The following PCDH15 variants were observed in gnomAD, a reference collection of about 807,000 sequenced individuals.
PCDH15 encodes protocadherin related 15.
In PCDH15, 129 loss-of-function variants were observed where a neutral mutation model predicts 178.5. That is an observed-to-expected ratio of 0.72 (90% CI 0.63 to 0.84). The LOEUF is 0.84. Ranked by LOEUF, PCDH15 falls within the 40% of genes least tolerant of loss-of-function variation. The probability of loss-of-function intolerance (pLI) is 0.00; values close to 1 mark genes in which losing one functional copy is unlikely to be tolerated. For missense variants in PCDH15, 2,230 were observed against 2,099.9 expected, an observed-to-expected ratio of 1.06 and a Z score of -1.21; for synonymous variants, 800 against 732.0, an observed-to-expected ratio of 1.09 and a Z score of -1.50.
intron 3 of PCDH15, among the ~76,000 whole-genome samples, chr10:54,883,100 G>GT (rs1201476267): frequency 3.8e-3 from 31 of 8,224 alleles, no homozygotes; most frequent in South Asian, 0.083. Context: ...CAGAGAAAGT[G>GT]GTTTTTCTCT....
At chr10:54,490,632 T>C (rs1195551568) in intron 3 of PCDH15, among the ~76,000 whole-genome samples, 2 of 152,184 alleles carry the variant, frequency 1.3e-5, no homozygotes, top group South Asian at 2.1e-4. Flanking sequence ...TGTATAACTT[T>C]AAAAACACAC....
intron 2 of PCDH15, among the ~76,000 whole-genome samples, chr10:55,048,172 A>G (rs2131984777): frequency 6.6e-6 from 1 of 152,074 alleles, no homozygotes; most frequent in African/African-American, 2.4e-5. Context: ...AGAGTTACTG[A>G]AAACTATAAG....
chr10:55,049,916 G>T (rs571841883), intron 2 of PCDH15, among the ~76,000 whole-genome samples: 1 of 151,984 alleles, frequency 6.6e-6, no homozygotes, highest in Non-Finnish European at 1.5e-5. Flanking sequence ...CACTGAAACA[G>T]AGTTTTAAAA....
At chr10:54,556,983 A>G (rs114160247) in intron 2 of PCDH15, among the ~76,000 whole-genome samples, 3,160 of 152,162 alleles carry the variant, frequency 0.021, 93 homozygotes, top group African/African-American at 0.07. Context: ...TGCATGATCA[A>G]TTTGGACAAG....
chr10:54,419,889 A>G (rs7923527), intron 3 of PCDH15, among the ~76,000 whole-genome samples: 31,264 of 152,030 alleles, frequency 0.21, 3,995 homozygotes, highest in African/African-American at 0.36. Context: ...GAAAATGCAG[A>G]AAAGCTCTCC....
At chr10:54,504,829 A>G (rs2081031032) in intron 3 of PCDH15, among the ~76,000 whole-genome samples, 1 of 152,006 alleles carries the variant, frequency 6.6e-6, no homozygotes. Context: ...TTCTCTCTGT[A>G]CTCTCTCTGT....
intron 25 of PCDH15, among the ~76,000 whole-genome samples, chr10:53,917,813 A>C (rs1408856656): frequency 6.6e-6 from 1 of 151,980 alleles, no homozygotes; most frequent in Admixed American, 6.6e-5. Context: ...ATGGGGGTGG[A>C]CCCCTCGTGA....
chr10:54,680,706 T>C (rs1352778337), intron 1 of PCDH15, among the ~76,000 whole-genome samples: 1 of 152,100 alleles, frequency 6.6e-6, no homozygotes, highest in African/African-American at 2.4e-5. Context: ...AAATGGGAGT[T>C]CCCCTGCACA....
intron 13 of PCDH15, among the ~76,000 whole-genome samples, chr10:54,167,781 G>A (rs113083526): frequency 0.028 from 2,525 of 91,310 alleles, 33 homozygotes; most frequent in South Asian, 0.062. Flanking sequence ...CCTTATTTCC[G>A]CACCCCAACC....
At chr10:54,182,642 T>C (rs1367524842) in intron 13 of PCDH15, among the ~76,000 whole-genome samples, 2 of 152,124 alleles carry the variant, frequency 1.3e-5, no homozygotes, top group African/African-American at 4.8e-5. Context: ...AGTTACCATT[T>C]ACTATCTAAC....
intron 1 of PCDH15, among the ~76,000 whole-genome samples, chr10:54,708,321 G>A (rs528619829): frequency 6.6e-6 from 1 of 152,232 alleles, no homozygotes; most frequent in South Asian, 2.1e-4. Flanking sequence ...AAAGCAAAAG[G>A]TCATGGCTCA....
rs775054636 is a variant in PCDH15, at chr10:53,808,926, TTC to T, written c.4671+1628_4671+1629del. 4.5e-6 allele frequency: 7 copies of T among 1,567,824 alleles called. No homozygotes were observed. The South Asian group carries it at 8.2e-5, about 18-fold the overall frequency. On this transcript the variant is annotated intron_variant, in intron 37 of 37. Transcript: ENST00000644397. ...TATCTTGAGCTTCAGGGTCTGTACTTTCTTCCACAGGGGCTGGTCCACTTTCT... is the reference window on the plus strand; with the variant it reads ...TATCTTGAGCTTCAGGGTCTGTACTTTTCCACAGGGGCTGGTCCACTTTCT...
chr10:54,894,270 T>C (rs146547521), intron 3 of PCDH15, among the ~76,000 whole-genome samples: 230 of 152,262 alleles, frequency 1.5e-3, no homozygotes, highest in African/African-American at 5.4e-3. Context: ...AAGGGGTTTA[T>C]AATCTGTGGT....
At chr10:54,575,344 G>C (rs2090353606) in intron 2 of PCDH15, 1 of 153,130 alleles carries the variant, frequency 6.5e-6, no homozygotes, top group Non-Finnish European at 1.5e-5. Context: ...TTTCTCGTCA[G>C]TTCTTTGATT....
Position 54,234,132 on chromosome 10 carries a change from CTGTGTGTGTGTGTGTGTGTG to C in PCDH15, c.985+2671_985+2690del, listed in dbSNP as rs35466519. Among the ~76,000 whole-genome samples the C allele has an allele frequency of 1.4e-4, 19 of 138,548 alleles. No individual in the cohort carries two copies. The East Asian group carries it at 2.9e-3, about 21-fold the overall frequency. The allele number at this position is 138,548 out of a possible 152,430, so 90.9% of individuals were successfully genotyped here. A position where few individuals can be genotyped will look rare whatever the true frequency, so the allele number is the denominator to read the frequency against. ...AAGTCAGAGTCATGGATATCCCCTT[CTGTGTGTGTGTGTGTGTGTG>C]TGTGTGTGTGTGTGTGTGTGTGTGC... On this transcript the variant is annotated intron_variant, in intron 9 of 37. Transcript: ENST00000644397.
intron 25 of PCDH15, among the ~76,000 whole-genome samples, chr10:53,930,178 G>C (rs2084920742): frequency 1.3e-5 from 2 of 151,426 alleles, no homozygotes; most frequent in South Asian, 2.1e-4. Flanking sequence ...AACGCATTCG[G>C]CTGGGCGCGG....
chr10:55,566,056 T>C (rs1050375527), intron 2 of PCDH15, among the ~76,000 whole-genome samples: 1 of 151,528 alleles, frequency 6.6e-6, no homozygotes, highest in African/African-American at 2.4e-5. Context: ...TCAAAAAATT[T>C]CTAGCAAAAC....
intron 27 of PCDH15, among the ~76,000 whole-genome samples, chr10:53,864,711 G>GGTTGCAGT (rs1418376722): frequency 2.0e-5 from 3 of 152,030 alleles, no homozygotes; most frequent in African/African-American, 7.3e-5. Flanking sequence ...TGCTTTCCGA[G>GGTTGCAGT]GTTGCAGTGT....
chr10:54,146,410 T>C (rs56177155), intron 14 of PCDH15, among the ~76,000 whole-genome samples: 4,473 of 151,990 alleles, frequency 0.029, 84 homozygotes, highest in Middle Eastern at 0.082. Flanking sequence ...TCTCTTATTA[T>C]CTAATTATCA....
Sources: allele counts gnomAD v4.1 joint callset (sites outside exome capture counted in the v4.1 genomes callset), GRCh38; gene constraint gnomAD v4.1.1; transcripts MANE v1.5; gene names NCBI Gene and HGNC (gene_info 2026-07-23, HGNC 2026-07-21).